Variants in EPG5 observed in about 807,000 individuals in gnomAD.
EPG5 encodes the protein ectopic P-granules 5 autophagy tethering factor.
Under a neutral mutation model 302.7 loss-of-function variants are expected in EPG5, and 159 were observed. That is an observed-to-expected ratio of 0.53 (90% CI 0.46 to 0.60). The LOEUF (loss-of-function observed/expected upper bound fraction) is 0.60, where lower values mean the gene tolerates loss of function less well. EPG5 is among the 20% of genes least tolerant of loss of function. The pLI is 0.00. For missense variants in EPG5, 2,896 were observed against 3,092.4 expected, an observed-to-expected ratio of 0.94 and a Z score of 1.51; for synonymous variants, 1,158 against 1,136.8, an observed-to-expected ratio of 1.02 and a Z score of -0.37.
Position 45,916,485 on chromosome 18 carries a change from C to T in EPG5, c.3337G>A (p.Gly1113Arg). ...VTHKVAQHLTGASHGDNVKLL... is the reference protein window; with the variant it reads ...VTHKVAQHLTRASHGDNVKLL... ...TTCACGTTGTCCCCATGGCTGGCTC[C>T]TGTCAGGTGCTGTGCCACCTTGTGG... is the stretch of plus-strand genomic sequence containing the variant. The change falls in exon 18 of 44, where the codon GGA (glycine) becomes AGA (arginine). Residue 1113 changes from glycine to arginine, a missense_variant. Around this residue, in one of 5 missense-constraint regions of EPG5, gnomAD observed 1,390 missense variants for 1,430.0 expected, o/e 0.97. Coordinates refer to ENST00000282041, the MANE Select transcript of EPG5 (RefSeq NM_020964.3). 6.2e-7 allele frequency: 1 copy of T among 1,613,818 alleles called. No homozygotes were observed. Among genetic ancestry groups the T allele is most frequent in the Non-Finnish European group, 8.5e-7 (1 of 1,179,728 alleles).
chr18:45,838,771 C>A, the EPG5 span: 5 of 1,574,360 alleles, frequency 3.2e-6, no homozygotes, highest in Non-Finnish European at 4.3e-6. Context: ...TCACGCCTTC[C>A]GCGCGCTCTG....
intron 11 of EPG5, among the ~76,000 whole-genome samples, chr18:45,931,545 TG>T (rs1472233639): frequency 1.3e-5 from 2 of 152,124 alleles, no homozygotes; most frequent in African/African-American, 4.8e-5. Context: ...TAAAAATATA[TG>T]TGCTTGGCCG....
chr18:45,907,640 G>C (rs1181421054), intron 24 of EPG5, among the ~76,000 whole-genome samples: 1 of 152,024 alleles, frequency 6.6e-6, no homozygotes, highest in Non-Finnish European at 1.5e-5. Context: ...AGAGATAATT[G>C]CTTAAAGGTA....
the EPG5 span, chr18:45,825,712 G>A: frequency 1.2e-6 from 2 of 1,614,180 alleles, no homozygotes; most frequent in Non-Finnish European, 1.7e-6. Context: ...GGCCTGGGGT[G>A]TTCAGATGCT....
At chr18:45,816,760 T>TTG in the EPG5 span, among the ~76,000 whole-genome samples, 1 of 152,232 alleles carries the variant, frequency 6.6e-6, no homozygotes, top group African/African-American at 2.4e-5. Flanking sequence ...GCAATCCCAC[T>TTG]ACTGGGTGTC....
chr18:45,840,304 G>T, the EPG5 span: 2 of 1,538,064 alleles, frequency 1.3e-6, no homozygotes, highest in Non-Finnish European at 8.9e-7. Flanking sequence ...TCACCCAGGG[G>T]GTCCAGGCAG....
intron 12 of EPG5, among the ~76,000 whole-genome samples, chr18:45,930,223 T>C (rs2050368793): frequency 6.6e-6 from 1 of 152,126 alleles, no homozygotes; most frequent in Non-Finnish European, 1.5e-5. Context: ...GGGTAATAAG[T>C]TATCTTTTTT....
chr18:45,887,681 T>C, intron 29 of EPG5, 70 bp downstream of exon 29: 1 of 1,309,688 alleles, frequency 7.6e-7, no homozygotes. Flanking sequence ...CAATGCTGAC[T>C]ATATCCAAAG....
intron 13 of EPG5, among the ~76,000 whole-genome samples, chr18:45,927,282 A>C (rs912375404): frequency 3.3e-5 from 5 of 151,638 alleles, no homozygotes; most frequent in Non-Finnish European, 4.4e-5. Context: ...CTCGTGATCC[A>C]CCCGCCTCGG....
chr18:45,811,517 A>G, the EPG5 span, among the ~76,000 whole-genome samples: 1 of 152,260 alleles, frequency 6.6e-6, no homozygotes, highest in African/African-American at 2.4e-5. Flanking sequence ...AAAATCCTCA[A>G]TAAAATACTG....
At chr18:45,881,673 T>C (rs2049101206) in intron 31 of EPG5, among the ~76,000 whole-genome samples, 1 of 152,196 alleles carries the variant, frequency 6.6e-6, no homozygotes, top group African/African-American at 2.4e-5. Flanking sequence ...GCCTACCCTA[T>C]TTATTTCTCC....
At chr18:45,814,985 C>T in the EPG5 span, among the ~76,000 whole-genome samples, 2 of 152,326 alleles carry the variant, frequency 1.3e-5, no homozygotes, top group East Asian at 3.9e-4. Flanking sequence ...TTTCACCCTT[C>T]TCAGTGCTGA....
chr18:45,924,230 A>C (rs541694038), intron 14 of EPG5, among the ~76,000 whole-genome samples: 1 of 152,146 alleles, frequency 6.6e-6, no homozygotes, highest in Admixed American at 6.5e-5. Flanking sequence ...CAGAAAGATG[A>C]CTTTCCTAAC....
chr18:45,841,882 C>G, the EPG5 span, among the ~76,000 whole-genome samples: 1 of 152,118 alleles, frequency 6.6e-6, no homozygotes, highest in Non-Finnish European at 1.5e-5. Flanking sequence ...AGGCCTCAGA[C>G]AGAGATAGCA....
chr18:45,934,873 C>G lies in EPG5; in HGVS notation c.2193G>C (p.Glu731Asp), dbSNP rs1218574370. The change falls in exon 11 of 44, where the codon GAG becomes GAC. Residue 731 changes from glutamate to aspartate, a missense_variant. By Grantham distance (45) the Glu-to-Asp change is conservative (BLOSUM62 2). Coordinates refer to ENST00000282041, the MANE Select transcript of EPG5 (RefSeq NM_020964.3). ...WKLFYLMHQV[E>D]SENLQQLSSS... is the part of the protein sequence containing the mutation. ...AGGAGAGCTGCTGCAGGTTCTCGCTCTCCACCTGGTGCATGAGGTAGAAGA... is the reference window on the plus strand; with the variant it reads ...AGGAGAGCTGCTGCAGGTTCTCGCTGTCCACCTGGTGCATGAGGTAGAAGA... 3 of 1,614,070 alleles carry G rather than the reference C, an allele frequency of 1.9e-6. No individual in the cohort carries two copies. In the Admixed American group the frequency reaches 5.0e-5, roughly 27 times the overall value.
chr18:45,866,926 G>A lies in EPG5; in HGVS notation c.6493C>T (p.Leu2165=). The stretch of plus-strand genomic sequence containing the variant: ...GGGTAATGGCTGCTGAAATAACTTA[G>A]CACACTCTGGTACGACACAATATCC... ...LVDIVSYQSV[L]SYFSSHYPPS... Residue 2165 remains leucine, a synonymous_variant, in exon 38 of 44, where the codon CTA becomes TTA. Coordinates refer to ENST00000282041, the MANE Select transcript of EPG5 (RefSeq NM_020964.3). 1 of 1,614,100 alleles carries A rather than the reference G, an allele frequency of 6.2e-7. No homozygotes were observed. The highest frequency in any genetic ancestry group is 8.5e-7 in the Non-Finnish European group (1 of 1,179,948).
chr18:45,848,332 G>C lies in EPG5; in HGVS notation c.*4135C>G, dbSNP rs1328307519. ...AAAATGAAGAGCAGGCAGTAGTAGAGGATTAAGGGCAAAGTGCCTTGTTGT... is the reference window on the plus strand; with the variant it reads ...AAAATGAAGAGCAGGCAGTAGTAGACGATTAAGGGCAAAGTGCCTTGTTGT... On this transcript the variant is annotated 3_prime_UTR_variant, in exon 44 of 44. Transcript: ENST00000282041. The C allele has an allele frequency of 1.3e-5, 2 of 152,212 alleles. No homozygotes were observed. Among genetic ancestry groups the C allele is most frequent in the Non-Finnish European group, 2.9e-5 (2 of 68,058 alleles). The allele number at this position is 152,212 out of a possible 1,614,324, so 9.4% of individuals were successfully genotyped here. A position where few individuals can be genotyped will look rare whatever the true frequency, so the allele number is the denominator to read the frequency against.
intron 14 of EPG5, 34 bp from the exon 15 acceptor site, chr18:45,923,421 C>T: frequency 6.3e-7 from 1 of 1,597,088 alleles, no homozygotes; most frequent in Non-Finnish European, 8.5e-7. Context: ...AAACATACAA[C>T]CTTGGTTTTG....
chr18:45,945,796 C>T (rs1464824638), intron 7 of EPG5, among the ~76,000 whole-genome samples: 1 of 152,132 alleles, frequency 6.6e-6, no homozygotes, highest in Non-Finnish European at 1.5e-5. Flanking sequence ...CGTCATTTAC[C>T]ACCACCTGAC....
Sources: gnomAD v4.1 joint callset for allele counts (sites outside exome capture counted in the v4.1 genomes callset) on GRCh38, gnomAD v4.1.1 for gene constraint, gnomAD v4.1.1 regional missense constraint, MANE v1.5 for transcripts, NCBI Gene and HGNC (gene_info 2026-07-23, HGNC 2026-07-21) for gene names.